Variants in CLMN observed in about 807,000 individuals in gnomAD.
CLMN encodes the protein calmin.
CLMN carries 57 observed loss-of-function variants against 92.7 expected under a neutral mutation model. The ratio of observed to expected loss-of-function variants is 0.61; its 90% CI spans 0.50 to 0.77. The LOEUF (loss-of-function observed/expected upper bound fraction) is 0.77, where lower values mean the gene tolerates loss of function less well. Among genes scored for constraint, CLMN ranks in the 30% least tolerant of loss-of-function variants. The probability of loss-of-function intolerance (pLI) is 0.00; values close to 1 mark genes in which losing one functional copy is unlikely to be tolerated. For missense variants in CLMN, 1,158 were observed against 1,237.5 expected, an observed-to-expected ratio of 0.94 and a Z score of 0.96; for synonymous variants, 466 against 470.6, an observed-to-expected ratio of 0.99 and a Z score of 0.13.
rs966598575 is a variant in CLMN at position 95,215,833 on chromosome 14, G to A, written c.325-100C>T. On this transcript the variant is annotated intron_variant, in intron 4 of 12. Coordinates refer to ENST00000298912, the MANE Select transcript of CLMN (RefSeq NM_024734.4). ...TCTCTCTCTGTGTGTGTGTGTGTGT[G>A]TGTGTGTGTGTGTGTGTGTGTGTGT... 1.4e-5 allele frequency: 9 copies of A among 651,574 alleles called. No homozygotes were observed. In the East Asian group the frequency reaches 2.2e-4, roughly 16 times the overall value. The allele number at this position is 651,574 out of a possible 1,614,324, so 40.4% of individuals were successfully genotyped here. A position where few individuals can be genotyped will look rare whatever the true frequency, so the allele number is the denominator to read the frequency against.
At chr14:95,290,930 A>G (rs1900539753) in intron 1 of CLMN, among the ~76,000 whole-genome samples, 1 of 152,168 alleles carries the variant, frequency 6.6e-6, no homozygotes, top group African/African-American at 2.4e-5. Flanking sequence ...AATAATACCA[A>G]GGACATGGAG....
chr14:95,292,664 A>C (rs1463013752), intron 1 of CLMN, among the ~76,000 whole-genome samples: 2 of 152,056 alleles, frequency 1.3e-5, no homozygotes, highest in Non-Finnish European at 2.9e-5. Flanking sequence ...GCAGATTCCC[A>C]GGCTGGTGGT....
chr14:95,195,811 AG>A (rs1355557554), intron 10 of CLMN, among the ~76,000 whole-genome samples: 3 of 3,996 alleles, frequency 7.5e-4, no homozygotes, highest in Non-Finnish European at 3.8e-3. Flanking sequence ...TGTGACGATG[AG>A]AGAGGGGAGA....
chr14:95,261,109 A>G (rs113621553), intron 1 of CLMN, among the ~76,000 whole-genome samples: 1,800 of 152,102 alleles, frequency 0.012, 52 homozygotes, highest in African/African-American at 0.04. Flanking sequence ...CTCCGCAAGG[A>G]ACGTCAGAGC....
At position 95,287,140 on chromosome 14, in the gene CLMN, G is replaced by A. The variant is rs570207814; in HGVS notation, c.82+32571C>T. Among the ~76,000 whole-genome samples, 6 of 152,300 alleles carry A rather than the reference G, an allele frequency of 3.9e-5. No individual in the cohort carries two copies. In the East Asian group the frequency reaches 1.2e-3, roughly 29 times the overall value. ...CCTCCTGTGAATTTGCACAGAGGAG[G>A]GGCAATTCTAATGGTCTGACTTTGC... is the stretch of plus-strand genomic sequence containing the variant. On this transcript the variant is annotated intron_variant, in intron 1 of 12. Coordinates refer to ENST00000298912, the MANE Select transcript of CLMN (RefSeq NM_024734.4).
chr14:95,284,958 C>T (rs986035615), intron 1 of CLMN, among the ~76,000 whole-genome samples: 2 of 151,992 alleles, frequency 1.3e-5, no homozygotes, highest in East Asian at 1.9e-4. Flanking sequence ...GGCTGTGTCC[C>T]CACCCAAATC....
intron 1 of CLMN, among the ~76,000 whole-genome samples, chr14:95,234,351 T>C (rs1423665720): frequency 1.3e-5 from 2 of 152,254 alleles, no homozygotes; most frequent in African/African-American, 2.4e-5. Flanking sequence ...GGCTCTTTCA[T>C]GGCCTTCTCC....
In CLMN at chr14:95,188,654, A is replaced by G. The variant is rs1417239158; in HGVS notation, c.*2910T>C. ...AAATTTCCCATGAAGGCCCAGCACAAGGTTTAACACCCGGGATACAACACC... is the reference window on the plus strand; with the variant it reads ...AAATTTCCCATGAAGGCCCAGCACAGGGTTTAACACCCGGGATACAACACC... On this transcript the variant is annotated 3_prime_UTR_variant, in exon 13 of 13. Transcript: ENST00000298912. 1 of 152,212 alleles carries G rather than the reference A, an allele frequency of 6.6e-6. No homozygotes were observed. The highest frequency in any genetic ancestry group is 1.5e-5 in the Non-Finnish European group (1 of 68,044). 9.4% of individuals were successfully genotyped at this position (152,212 alleles called of 1,614,324 possible).
intron 1 of CLMN, among the ~76,000 whole-genome samples, chr14:95,278,247 T>C (rs1435209081): frequency 5.3e-5 from 8 of 152,236 alleles, no homozygotes; most frequent in African/African-American, 1.9e-4. Context: ...CGGGTGCTTG[T>C]CCTGGCTAGA....
intron 8 of CLMN, among the ~76,000 whole-genome samples, chr14:95,207,589 T>G (rs1360179692): frequency 6.6e-6 from 1 of 152,256 alleles, no homozygotes; most frequent in Non-Finnish European, 1.5e-5. Flanking sequence ...CACATAGCCC[T>G]GAAATGTGGG....
intron 12 of CLMN, 60 bp downstream of exon 12, chr14:95,193,789 C>T: frequency 1.2e-6 from 2 of 1,601,840 alleles, no homozygotes; most frequent in Non-Finnish European, 1.7e-6. Context: ...GTAAGGCAGG[C>T]TGCAGAATGT....
intron 1 of CLMN, among the ~76,000 whole-genome samples, chr14:95,245,208 T>TATAA (rs1446680726): frequency 0.012 from 245 of 19,682 alleles, 8 homozygotes; most frequent in South Asian, 0.022. Context: ...TATATATATA[T>TATAA]TATATATATA....
In CLMN at chr14:95,223,743, T is replaced by G; in HGVS notation, c.240+17A>C. On this transcript the variant is annotated intron_variant, in intron 3 of 12. Coordinates refer to ENST00000298912, the MANE Select transcript of CLMN (RefSeq NM_024734.4). Reference sequence around the variant, plus strand: ...TTTGCATTTTCTTTCTTTCTGACCCTTCTGTAACATACGTACCAGATTCCG... The same window carrying G: ...TTTGCATTTTCTTTCTTTCTGACCCGTCTGTAACATACGTACCAGATTCCG... 6.3e-7 allele frequency: 1 copy of G among 1,589,990 alleles called. No homozygotes were observed. Among genetic ancestry groups the G allele is most frequent in the Non-Finnish European group, 8.6e-7 (1 of 1,162,716 alleles).
intron 1 of CLMN, among the ~76,000 whole-genome samples, chr14:95,245,538 G>A (rs1470193637): frequency 6.7e-6 from 1 of 149,574 alleles, no homozygotes; most frequent in East Asian, 2.0e-4. Flanking sequence ...ATAGGTAGAT[G>A]GATGAATGGA....
chr14:95,207,614 T>A (rs1350597100), intron 8 of CLMN, among the ~76,000 whole-genome samples: 1 of 152,246 alleles, frequency 6.6e-6, no homozygotes, highest in Non-Finnish European at 1.5e-5. Context: ...ATTTCCATTT[T>A]ACAGGTGACA....
chr14:95,273,486 G>T (rs932593310), intron 1 of CLMN, among the ~76,000 whole-genome samples: 3 of 152,120 alleles, frequency 2.0e-5, no homozygotes, highest in Non-Finnish European at 2.9e-5. Context: ...CATCTGATAG[G>T]GCCTAACACT....
At chr14:95,222,492 T>C (rs761506552) in intron 3 of CLMN, 1 of 449,778 alleles carries the variant, frequency 2.2e-6, no homozygotes, top group African/African-American at 2.0e-5. Flanking sequence ...AGGTGTGAAG[T>C]GCCAGGCCAC....
intron 1 of CLMN, among the ~76,000 whole-genome samples, chr14:95,251,164 G>A (rs941047290): frequency 6.6e-6 from 1 of 152,092 alleles, no homozygotes; most frequent in Admixed American, 6.5e-5. Flanking sequence ...GGTGGGTGTC[G>A]CAGGGCCAAA....
At chr14:95,303,446 G>A (rs1283253451) in intron 1 of CLMN, among the ~76,000 whole-genome samples, 1 of 152,208 alleles carries the variant, frequency 6.6e-6, no homozygotes, top group African/African-American at 2.4e-5. Flanking sequence ...TCCACTGATG[G>A]GCAATTAGGG....
Sources: gnomAD v4.1 joint callset for allele counts (sites outside exome capture counted in the v4.1 genomes callset) on GRCh38, gnomAD v4.1.1 for gene constraint, MANE v1.5 for transcripts, NCBI Gene and HGNC (gene_info 2026-07-23, HGNC 2026-07-21) for gene names.